LMAN1: variants seen among roughly 807,000 people sequenced by gnomAD.
LMAN1 encodes the protein protein ERGIC-53.
LMAN1 carries 32 observed loss-of-function variants against 67.8 expected under a neutral mutation model. That is an observed-to-expected ratio of 0.47 (90% CI 0.36 to 0.63). LMAN1 has a LOEUF of 0.63. LMAN1 is among the 30% of genes least tolerant of loss of function. LMAN1 has a pLI of 0.00. For missense variants in LMAN1, 632 were observed against 628.2 expected (o/e 1.01, Z -0.06); for synonymous variants, 235 against 219.3 (o/e 1.07, Z -0.63).
intron 11 of LMAN1, among the ~76,000 whole-genome samples, chr18:59,331,853 G>T (rs1169762720): frequency 6.6e-6 from 1 of 152,082 alleles, no homozygotes; most frequent in Non-Finnish European, 1.5e-5. Flanking sequence ...CAACTCCTCT[G>T]GATACTCCCA....
At chr18:59,349,061 C>G (rs1312145687) in intron 6 of LMAN1, 52 bp downstream of exon 6, 2 of 1,605,984 alleles carry the variant, frequency 1.2e-6, no homozygotes, top group African/African-American at 2.7e-5. Context: ...TATACTATTC[C>G]CAATAAAACA....
intron 6 of LMAN1, 82 bp downstream of exon 6, chr18:59,349,031 A>G: frequency 6.6e-7 from 1 of 1,506,036 alleles, no homozygotes; most frequent in Non-Finnish European, 9.2e-7. Flanking sequence ...ATTAGTATAA[A>G]CAAGTCTACA....
At chr18:59,346,290 G>A (rs1391585172) in intron 7 of LMAN1, among the ~76,000 whole-genome samples, 3 of 141,074 alleles carry the variant, frequency 2.1e-5, no homozygotes, top group Non-Finnish European at 3.0e-5. Flanking sequence ...GCGTGATCTC[G>A]GCTCACTGCA....
chr18:59,351,690 G>A (rs12963340), intron 5 of LMAN1: 33,684 of 152,162 alleles, frequency 0.22, 3,940 homozygotes, highest in Non-Finnish European at 0.27. Flanking sequence ...TGGGGAGTAC[G>A]TTTTGCAAGG....
chr18:59,346,193 A>G (rs1908399664), intron 7 of LMAN1, 142 bp from the exon 8 acceptor site: 1 of 602,508 alleles, frequency 1.7e-6, no homozygotes, highest in African/African-American at 2.0e-5. Context: ...CTTTACTTAA[A>G]CGATAGCAAA....
In LMAN1 at chr18:59,329,717, G is replaced by A. The variant is rs946228275; in HGVS notation, c.*1376C>T. 38 of 152,048 alleles carry A rather than the reference G, an allele frequency of 2.5e-4. No individual in the cohort carries two copies. The highest frequency in any genetic ancestry group is 8.0e-4 in the African/African-American group (33 of 41,406). 9.4% of individuals were successfully genotyped at this position (152,048 alleles called of 1,614,324 possible). On this transcript the variant is annotated 3_prime_UTR_variant, in exon 13 of 13. Coordinates refer to ENST00000251047, the MANE Select transcript of LMAN1 (RefSeq NM_005570.4). ...AGTCTTTATATATAGATTTTAGGTC[G>A]TTAGCCCAATCTGTAAATGACATTT...
rs776865076 is a variant in LMAN1 at position 59,329,716 on chromosome 18, C to T, written c.*1377G>A. 3 of 152,026 alleles carry T rather than the reference C, an allele frequency of 2.0e-5. No homozygotes were observed. The highest frequency in any genetic ancestry group is 4.8e-5 in the African/African-American group (2 of 41,378). The allele number at this position is 152,026 out of a possible 1,614,324, so 9.4% of individuals were successfully genotyped here. On this transcript the variant is annotated 3_prime_UTR_variant, in exon 13 of 13. Coordinates refer to ENST00000251047, the MANE Select transcript of LMAN1 (RefSeq NM_005570.4). ...AAGTCTTTATATATAGATTTTAGGT[C>T]GTTAGCCCAATCTGTAAATGACATT...
intron 3 of LMAN1, 99 bp from the exon 4 acceptor site, chr18:59,354,679 G>A: frequency 1.6e-6 from 1 of 621,046 alleles, no homozygotes; most frequent in East Asian, 2.8e-5. Context: ...AAGATTCTAG[G>A]ACTCAAAATT....
In LMAN1 at chr18:59,329,486, T is replaced by C. The variant is rs2070734571; in HGVS notation, c.*1607A>G. On this transcript the variant is annotated 3_prime_UTR_variant, in exon 13 of 13. Coordinates refer to ENST00000251047, the MANE Select transcript of LMAN1 (RefSeq NM_005570.4). ...GTAAATTCTGTGATGATGAAGCCTC[T>C]GAAACATGAATTTCAAAATGTTAAC... 6.6e-6 allele frequency: 1 copy of C among 152,182 alleles called. No homozygotes were observed. Among genetic ancestry groups the C allele is most frequent in the Non-Finnish European group, 1.5e-5 (1 of 68,018 alleles). 9.4% of individuals were successfully genotyped at this position (152,182 alleles called of 1,614,324 possible).
chr18:59,334,930 T>A (rs1005919648), intron 10 of LMAN1, among the ~76,000 whole-genome samples: 1 of 152,166 alleles, frequency 6.6e-6, no homozygotes, highest in Non-Finnish European at 1.5e-5. Flanking sequence ...ACTTACTGTA[T>A]GCATGACATT....
At position 59,349,114 on chromosome 18, in the gene LMAN1, T is replaced by G; in HGVS notation, c.762A>C (p.Ala254=). The G allele has an allele frequency of 6.2e-7, 1 of 1,614,042 alleles. No homozygotes were observed. Among genetic ancestry groups the G allele is most frequent in the Non-Finnish European group, 8.5e-7 (1 of 1,179,934 alleles). The part of the protein sequence containing the change: ...FGISAATGGL[A]DDHDVLSFLT... ...ATATCATCAGACTGCAAGATTTACCTGCAAGACCTCCAGTTGCAGCAGATA... is the reference window on the plus strand; with the variant it reads ...ATATCATCAGACTGCAAGATTTACCGGCAAGACCTCCAGTTGCAGCAGATA... Residue 254 remains alanine (A), a splice_region_variant and synonymous_variant, in exon 6 of 13, where the codon GCA becomes GCC. Coordinates refer to ENST00000251047, the MANE Select transcript of LMAN1 (RefSeq NM_005570.4).
intron 8 of LMAN1, 25 bp downstream of exon 8, chr18:59,345,894 C>A: frequency 6.2e-7 from 1 of 1,613,658 alleles, no homozygotes; most frequent in East Asian, 2.2e-5. Flanking sequence ...GCTGCGGCAC[C>A]CATGTCAGCT....
At chr18:59,350,798 AT>A (rs889092284) in intron 5 of LMAN1, among the ~76,000 whole-genome samples, 12 of 151,332 alleles carry the variant, frequency 7.9e-5, no homozygotes, top group Admixed American at 2.0e-4. Flanking sequence ...CCCGGCCCCA[AT>A]TTTTTTTTAA....
In LMAN1 at chr18:59,329,305, T is replaced by C. The variant is rs951007807; in HGVS notation, c.*1788A>G. ...TTCAGCCTGAAAAATGTATACTGCA[T>C]AGATCTGGTATTCCTTTAATGCACA... On this transcript the variant is annotated 3_prime_UTR_variant, in exon 13 of 13. Coordinates refer to ENST00000251047, the MANE Select transcript of LMAN1 (RefSeq NM_005570.4). 1 of 152,198 alleles carries C rather than the reference T, an allele frequency of 6.6e-6. No homozygotes were observed. The highest frequency in any genetic ancestry group is 2.4e-5 in the African/African-American group (1 of 41,452). 9.4% of individuals were successfully genotyped at this position (152,198 alleles called of 1,614,324 possible).
chr18:59,343,768 G>C (rs1908339396), intron 8 of LMAN1, among the ~76,000 whole-genome samples: 1 of 151,764 alleles, frequency 6.6e-6, no homozygotes, highest in Non-Finnish European at 1.5e-5. Flanking sequence ...AGTCCTCAAA[G>C]GCAAACACAA....
chr18:59,358,587 G>C (rs1485173700), intron 1 of LMAN1, among the ~76,000 whole-genome samples: 1 of 152,104 alleles, frequency 6.6e-6, no homozygotes, highest in Non-Finnish European at 1.5e-5. Context: ...ATCGGGGGTG[G>C]GGGGTGGAAG....
chr18:59,357,903 G>A (rs1908695560), intron 1 of LMAN1, among the ~76,000 whole-genome samples: 1 of 148,944 alleles, frequency 6.7e-6, no homozygotes, highest in Admixed American at 6.7e-5. Context: ...ACACCAACAT[G>A]GCAAATGTAT....
At chr18:59,342,555 T>C (rs758931833) in intron 8 of LMAN1, among the ~76,000 whole-genome samples, 2 of 151,862 alleles carry the variant, frequency 1.3e-5, no homozygotes, top group Non-Finnish European at 2.9e-5. Context: ...ATAAACAGAA[T>C]TAAGAACAAA....
chr18:59,333,260 T>A lies in LMAN1; in HGVS notation c.1221-16A>T. 6.2e-7 allele frequency: 1 copy of A among 1,610,284 alleles called. No individual in the cohort carries two copies. Among genetic ancestry groups the A allele is most frequent in the Non-Finnish European group, 8.5e-7 (1 of 1,177,730 alleles). The stretch of plus-strand genomic sequence containing the variant: ...CATGGAATTTCTGAAACAGAAAGTC[T>A]CTTGATACAATAAAATCACTATAAA... On this transcript the variant is annotated splice_polypyrimidine_tract_variant and intron_variant, in intron 10 of 12. Coordinates refer to ENST00000251047, the MANE Select transcript of LMAN1 (RefSeq NM_005570.4).
Sources: gnomAD v4.1 joint callset for allele counts (sites outside exome capture counted in the v4.1 genomes callset) on GRCh38, gnomAD v4.1.1 for gene constraint, MANE v1.5 for transcripts, NCBI Gene and HGNC (gene_info 2026-07-23, HGNC 2026-07-21) for gene names.